Variants in TMEM168 observed in about 807,000 individuals in gnomAD.
TMEM168 encodes transmembrane protein 168.
Under a neutral mutation model 53.2 loss-of-function variants are expected in TMEM168, and 40 were observed. The ratio of observed to expected loss-of-function variants is 0.75; its 90% confidence interval spans 0.58 to 0.98. The LOEUF is 0.98. TMEM168 is among the 50% of genes least tolerant of loss of function. TMEM168 has a pLI of 0.00. For missense variants in TMEM168, 771 were observed against 828.8 expected (o/e 0.93, Z 0.86); for synonymous variants, 282 against 293.0 (o/e 0.96, Z 0.38).
intron 4 of TMEM168, 63 bp from the exon 5 acceptor site, chr7:112,767,807 CTT>C: frequency 7.0e-7 from 1 of 1,435,752 alleles, no homozygotes; most frequent in South Asian, 1.4e-5. Context: ...AGAAAACCCT[CTT>C]AATCATTTTC....
Position 112,784,015 on chromosome 7 carries a change from C to T in TMEM168, c.811G>A (p.Gly271Arg). 1 of 1,613,344 alleles carries T rather than the reference C, an allele frequency of 6.2e-7. No individual in the cohort carries two copies. Among genetic ancestry groups the T allele is most frequent in the South Asian group, 1.1e-5 (1 of 90,668 alleles). ...ATAAAAAATGTAAGCTCAATCATTCCAGCAAAAACGACTGAAAGTCTTCTG... is the reference window on the plus strand; with the variant it reads ...ATAAAAAATGTAAGCTCAATCATTCTAGCAAAAACGACTGAAAGTCTTCTG... ...ICRRLSVVFAGMIELTFFILS... is the reference protein window; with the variant it reads ...ICRRLSVVFARMIELTFFILS... Residue 271 changes from glycine (G) to arginine (R), a missense_variant, in exon 2 of 5, where the codon GGA becomes AGA. Physicochemically the swap from Gly to Arg is moderately radical, Grantham distance 125. Transcript: ENST00000312814.
chr7:112,767,623 C>G lies in TMEM168; in HGVS notation c.1668G>C (p.Val556=). 6.2e-7 allele frequency: 1 copy of G among 1,614,124 alleles called. No individual in the cohort carries two copies. Among genetic ancestry groups the G allele is most frequent in the East Asian group, 2.2e-5 (1 of 44,870 alleles). ...SENSTPWVKE[V]RKINDQYIAV... ...CAATATACTGGTCATTAATTTTCCT[C>G]ACTTCTTTCACCCAAGGGGTTGAAT... is the stretch of plus-strand genomic sequence containing the variant. The change falls in exon 5 of 5, where the codon GTG becomes GTC. Residue 556 remains valine, a synonymous_variant. Transcript: ENST00000312814.
chr7:112,787,402 C>T (rs941143579), intron 1 of TMEM168, among the ~76,000 whole-genome samples: 11 of 151,988 alleles, frequency 7.2e-5, no homozygotes, highest in African/African-American at 2.2e-4. Context: ...GAAGGGGGGA[C>T]GGAGTCTCGC....
In TMEM168 at chr7:112,767,047, T is replaced by C. The variant is rs1792797861; in HGVS notation, c.*150A>G. The C allele has an allele frequency of 3.9e-6, 3 of 772,638 alleles. No individual in the cohort carries two copies. Among genetic ancestry groups the C allele is most frequent in the Non-Finnish European group, 6.0e-6 (3 of 496,270 alleles). The allele number at this position is 772,638 out of a possible 1,614,324, so 47.9% of individuals were successfully genotyped here. On this transcript the variant is annotated 3_prime_UTR_variant, in exon 5 of 5. Coordinates refer to ENST00000312814, the MANE Select transcript of TMEM168 (RefSeq NM_022484.6). ...ATGTTTTTTCCCAACGCCTTATATA[T>C]ACCATAATTACTTAAGAAAAGACAA...
chr7:112,770,150 A>G (rs550952269), intron 4 of TMEM168, among the ~76,000 whole-genome samples: 4 of 152,360 alleles, frequency 2.6e-5, no homozygotes, highest in South Asian at 2.1e-4. Context: ...GAGATATTCA[A>G]TACTATTTGT....
In TMEM168 at chr7:112,783,704, G is replaced by A. The variant is rs1358255682; in HGVS notation, c.1122C>T (p.Ser374=). Residue 374 remains serine, a synonymous_variant, in exon 2 of 5, where the codon TCC becomes TCT. Transcript: ENST00000312814. ...LLATAILGAV[S]WQPTNGIFLS... ...GGACAAACAATAAGCTTACCTGCCA[G>A]GAAACTGCTCCCAAAATCGCTGTTG... 2 of 1,493,896 alleles carry A rather than the reference G, an allele frequency of 1.3e-6. No homozygotes were observed. Among genetic ancestry groups the A allele is most frequent in the Non-Finnish European group, 1.8e-6 (2 of 1,123,414 alleles). 92.5% of individuals were successfully genotyped at this position (1,493,896 alleles called of 1,614,324 possible).
intron 4 of TMEM168, among the ~76,000 whole-genome samples, chr7:112,772,514 T>C (rs558545415): frequency 7.2e-5 from 11 of 152,350 alleles, no homozygotes; most frequent in African/African-American, 2.4e-4. Context: ...AAAATATGTT[T>C]AGCAATTCTG....
At position 112,765,571 on chromosome 7, in the gene TMEM168, A is replaced by T. The variant is rs1489363172; in HGVS notation, c.*1626T>A. On this transcript the variant is annotated 3_prime_UTR_variant, in exon 5 of 5. Transcript: ENST00000312814. The stretch of plus-strand genomic sequence containing the variant: ...CTACCCTACTGCTGAACAGAGCAAT[A>T]AAAAAAACTATACTATTTTATTTGG... 1.3e-5 allele frequency: 2 copies of T among 151,914 alleles called. No individual in the cohort carries two copies. Among genetic ancestry groups the T allele is most frequent in the African/African-American group, 4.8e-5 (2 of 41,356 alleles). 9.4% of individuals were successfully genotyped at this position (151,914 alleles called of 1,614,324 possible).
At chr7:112,769,572 C>A (rs1368058076) in intron 4 of TMEM168, among the ~76,000 whole-genome samples, 1 of 152,076 alleles carries the variant, frequency 6.6e-6, no homozygotes, top group Non-Finnish European at 1.5e-5. Context: ...CCTAAAGCAG[C>A]ATTAAAGCTT....
rs146665483 is a variant in TMEM168 at position 112,767,653 on chromosome 7, G to A, written c.1638C>T (p.Ser546=). ...CTTTCACCCAAGGGGTTGAATTTTC[G>A]CTGTCTAATACGATAATAAGCCGGG... ...FCSRLIIVLD[S]ENSTPWVKEV... The change falls in exon 5 of 5, where the codon AGC becomes AGT. Residue 546 remains serine, a synonymous_variant. Coordinates refer to ENST00000312814, the MANE Select transcript of TMEM168 (RefSeq NM_022484.6). 266 of 1,613,886 alleles carry A rather than the reference G, an allele frequency of 1.6e-4. No homozygotes were observed. The highest frequency in any genetic ancestry group is 6.3e-4 in the African/African-American group (47 of 74,944).
At position 112,771,370 on chromosome 7, in the gene TMEM168, C is replaced by A. The variant is rs376180660; in HGVS notation, c.1546+1411G>T. On this transcript the variant is annotated intron_variant, in intron 4 of 4. Coordinates refer to ENST00000312814, the MANE Select transcript of TMEM168 (RefSeq NM_022484.6). Reference sequence around the variant, plus strand: ...ATGGTTCTATCACATAGTGGTATGACCACAGATAAGTTACATAACAACTTT... The same window carrying A: ...ATGGTTCTATCACATAGTGGTATGAACACAGATAAGTTACATAACAACTTT... Among the ~76,000 whole-genome samples the A allele has an allele frequency of 7.2e-5, 11 of 152,172 alleles. No homozygotes were observed. The East Asian group carries it at 1.4e-3, about 19-fold the overall frequency.
At chr7:112,775,474 G>A (rs942892395) in intron 2 of TMEM168, among the ~76,000 whole-genome samples, 156 bp from the exon 3 acceptor site, 6 of 151,850 alleles carry the variant, frequency 4.0e-5, no homozygotes, top group East Asian at 1.9e-4. Flanking sequence ...AAGCAGACAC[G>A]TATACATGGA....
chr7:112,771,595 A>C (rs1266418464), intron 4 of TMEM168, among the ~76,000 whole-genome samples: 1 of 152,058 alleles, frequency 6.6e-6, no homozygotes, highest in Non-Finnish European at 1.5e-5. Flanking sequence ...AAAAAAGAAA[A>C]ATTTCAAAAA....
chr7:112,787,472 C>G (rs555138901), intron 1 of TMEM168, among the ~76,000 whole-genome samples: 11 of 152,240 alleles, frequency 7.2e-5, no homozygotes, highest in African/African-American at 2.4e-4. Flanking sequence ...CTCCGACTAT[C>G]GGGTTCAGGC....
At position 112,763,266 on chromosome 7, in the gene TMEM168, G is replaced by C. The variant is rs1409223761; in HGVS notation, c.*3931C>G. ...GATTTGCTTTCTTTTTATGGATTCTGTAAGTTTTTTACTAAATTACTTGCT... is the reference window on the plus strand; with the variant it reads ...GATTTGCTTTCTTTTTATGGATTCTCTAAGTTTTTTACTAAATTACTTGCT... On this transcript the variant is annotated 3_prime_UTR_variant, in exon 5 of 5. Coordinates refer to ENST00000312814, the MANE Select transcript of TMEM168 (RefSeq NM_022484.6). 6.6e-6 allele frequency: 1 copy of C among 151,978 alleles called. No homozygotes were observed. Among genetic ancestry groups the C allele is most frequent in the African/African-American group, 2.4e-5 (1 of 41,376 alleles). 9.4% of individuals were successfully genotyped at this position (151,978 alleles called of 1,614,324 possible).
In TMEM168 at chr7:112,775,159, A is replaced by G. The variant is rs572133266; in HGVS notation, c.1271+17T>C. ...ATGAAGTGAATAGTTATCACTAACT[A>G]TACTAGATTACTGTACCTGCAGAAG... On this transcript the variant is annotated intron_variant, in intron 3 of 4. Coordinates refer to ENST00000312814, the MANE Select transcript of TMEM168 (RefSeq NM_022484.6). 270 of 1,595,336 alleles carry G rather than the reference A, an allele frequency of 1.7e-4. No homozygotes were observed. Among genetic ancestry groups the G allele is most frequent in the Non-Finnish European group, 2.2e-4 (255 of 1,171,956 alleles).
chr7:112,783,647 C>A, intron 2 of TMEM168, 51 bp downstream of exon 2: 3 of 1,379,426 alleles, frequency 2.2e-6, no homozygotes, highest in Non-Finnish European at 2.8e-6. Context: ...ATTATTGAAG[C>A]TAGCATTTTA....
rs909817364 is a variant in TMEM168, at chr7:112,765,671, GACT to G, written c.*1523_*1525del. 9 of 152,368 alleles carry G rather than the reference GACT, an allele frequency of 5.9e-5. No individual in the cohort carries two copies. The highest frequency in any genetic ancestry group is 2.2e-4 in the African/African-American group (9 of 41,528). 9.4% of individuals were successfully genotyped at this position (152,368 alleles called of 1,614,324 possible). On this transcript the variant is annotated 3_prime_UTR_variant, in exon 5 of 5. Transcript: ENST00000312814. Reference sequence around the variant, plus strand: ...ACTCTAAAACATGGGCATTTTTAATGACTACCACTTTTAATAAATATACTAAAA... The same window carrying G: ...ACTCTAAAACATGGGCATTTTTAATGACCACTTTTAATAAATATACTAAAA...
chr7:112,770,024 T>C (rs912806069), intron 4 of TMEM168, among the ~76,000 whole-genome samples: 11 of 152,196 alleles, frequency 7.2e-5, no homozygotes, highest in South Asian at 6.2e-4. Context: ...ATTTCAAAGT[T>C]TGCTGAAAAA....
Sources: allele counts gnomAD v4.1 joint callset (sites outside exome capture counted in the v4.1 genomes callset), GRCh38; gene constraint gnomAD v4.1.1; transcripts MANE v1.5; gene names NCBI Gene and HGNC (gene_info 2026-07-23, HGNC 2026-07-21).